DIP2B: variants seen among roughly 807,000 people sequenced by gnomAD.
DIP2B encodes the protein DIP2 acetate--CoA ligase B (putative).
Under a neutral mutation model 198.0 loss-of-function variants are expected in DIP2B, and 76 were observed. The observed-to-expected ratio is 0.38, with a 90% CI of 0.32 to 0.46. The LOEUF (loss-of-function observed/expected upper bound fraction) is 0.46, where lower values mean the gene tolerates loss of function less well. Among genes scored for constraint, DIP2B ranks in the 20% least tolerant of loss-of-function variants. The pLI, the probability that DIP2B is intolerant of heterozygous loss-of-function variation, is 0.99. For missense variants in DIP2B, 1,559 were observed against 1,978.4 expected, an observed-to-expected ratio of 0.79 and a Z score of 4.02; for synonymous variants, 701 against 739.1, an observed-to-expected ratio of 0.95 and a Z score of 0.84.
intron 2 of DIP2B, among the ~76,000 whole-genome samples, chr12:50,630,634 G>A (rs979701767): frequency 2.1e-5 from 3 of 142,958 alleles, no homozygotes; most frequent in Admixed American, 6.9e-5. Context: ...AGAATGCTTT[G>A]ATGTTGATCA....
At chr12:50,588,094 T>C (rs1958785921) in intron 1 of DIP2B, among the ~76,000 whole-genome samples, 2 of 152,202 alleles carry the variant, frequency 1.3e-5, no homozygotes, top group African/African-American at 4.8e-5. Flanking sequence ...AATAACACTT[T>C]GGTGAAACAG....
At chr12:50,711,270 G>A (rs1939609266) in intron 22 of DIP2B, among the ~76,000 whole-genome samples, 1 of 152,140 alleles carries the variant, frequency 6.6e-6, no homozygotes, top group Non-Finnish European at 1.5e-5. Flanking sequence ...ATAGATTAAA[G>A]GCCAGAGGTT....
chr12:50,513,630 T>A (rs1349658190), intron 1 of DIP2B, among the ~76,000 whole-genome samples: 1 of 152,162 alleles, frequency 6.6e-6, no homozygotes, highest in African/African-American at 2.4e-5. Context: ...TCCCAATACT[T>A]TGGGAGGCTG....
chr12:50,601,265 A>G (rs914685269), intron 1 of DIP2B, among the ~76,000 whole-genome samples: 5 of 152,124 alleles, frequency 3.3e-5, no homozygotes, highest in Non-Finnish European at 7.3e-5. Context: ...TATAGTACAA[A>G]GTGCGTGGAA....
chr12:50,511,014 C>T (rs189886451), intron 1 of DIP2B, among the ~76,000 whole-genome samples: 3 of 144,676 alleles, frequency 2.1e-5, no homozygotes, highest in Admixed American at 1.4e-4. Context: ...GGCATGATCT[C>T]GGCTCACTGC....
chr12:50,696,062 A>G, intron 16 of DIP2B, 95 bp downstream of exon 16: 1 of 1,538,434 alleles, frequency 6.5e-7, no homozygotes, highest in South Asian at 1.2e-5. Flanking sequence ...CATACTGAAA[A>G]ACTCACTCAT....
intron 27 of DIP2B, among the ~76,000 whole-genome samples, chr12:50,723,737 T>G (rs1057479874): frequency 6.6e-6 from 1 of 151,962 alleles, no homozygotes; most frequent in Admixed American, 6.6e-5. Context: ...GAGCAGACCC[T>G]GTCGCCAAAA....
chr12:50,522,367 A>G (rs950394716), intron 1 of DIP2B, among the ~76,000 whole-genome samples: 1 of 152,332 alleles, frequency 6.6e-6, no homozygotes, highest in East Asian at 1.9e-4. Flanking sequence ...TGGTTATTCC[A>G]GTTCAGGGTC....
At chr12:50,655,149 G>T (rs1938533019) in intron 3 of DIP2B, 1 of 364,146 alleles carries the variant, frequency 2.7e-6, no homozygotes, top group Non-Finnish European at 5.5e-6. Flanking sequence ...GATAATAGTT[G>T]AATAAACTGT....
At chr12:50,723,750 A>G (rs1243535157) in intron 27 of DIP2B, among the ~76,000 whole-genome samples, 2 of 150,128 alleles carry the variant, frequency 1.3e-5, no homozygotes, top group Non-Finnish European at 3.0e-5. Context: ...CGCCAAAAGA[A>G]AAAAAAAAAG....
At chr12:50,742,483 G>A (rs951272151) in intron 37 of DIP2B, among the ~76,000 whole-genome samples, 4 of 147,070 alleles carry the variant, frequency 2.7e-5, no homozygotes, top group African/African-American at 2.5e-5. Flanking sequence ...CACAGAATCC[G>A]TTCGGTTTGT....
chr12:50,679,538 T>C (rs1939002184), intron 8 of DIP2B: 1 of 152,210 alleles, frequency 6.6e-6, no homozygotes, highest in African/African-American at 2.4e-5. Flanking sequence ...TCTGAATAAA[T>C]TGTATGTAAA....
At chr12:50,625,642 TTGTCAGCCTTGC>T (rs1441684836) in intron 1 of DIP2B, among the ~76,000 whole-genome samples, 4 of 152,172 alleles carry the variant, frequency 2.6e-5, no homozygotes, top group African/African-American at 9.7e-5. Context: ...AGAGAAATCG[TTGTCAGCCTTGC>T]TGCATTCCAT....
intron 1 of DIP2B, among the ~76,000 whole-genome samples, chr12:50,513,784 G>T (rs1377384482): frequency 2.7e-5 from 4 of 150,556 alleles, no homozygotes; most frequent in Non-Finnish European, 5.9e-5. Context: ...TGTGGCAGGA[G>T]AATTGCTTGA....
intron 1 of DIP2B, among the ~76,000 whole-genome samples, chr12:50,547,596 T>A (rs1375169290): frequency 6.6e-6 from 1 of 152,182 alleles, no homozygotes; most frequent in Admixed American, 6.5e-5. Context: ...GGGGGCAGAG[T>A]GTATGAGAGA....
intron 28 of DIP2B, 47 bp downstream of exon 28, chr12:50,724,933 A>T: frequency 6.5e-7 from 1 of 1,542,304 alleles, no homozygotes; most frequent in Non-Finnish European, 9.0e-7. Flanking sequence ...AGAGCTCACA[A>T]TACCTGAGAT....
intron 11 of DIP2B, 30 bp downstream of exon 11, chr12:50,685,986 T>TA (rs1409666118): frequency 6.3e-7 from 1 of 1,599,430 alleles, no homozygotes; most frequent in Non-Finnish European, 8.5e-7. Context: ...AATTATCAGT[T>TA]AAAAGTTAAA....
chr12:50,516,515 A>G (rs1958066650), intron 1 of DIP2B, among the ~76,000 whole-genome samples: 1 of 151,990 alleles, frequency 6.6e-6, no homozygotes. Context: ...TGGCCTCCCA[A>G]AGTGCAGAGA....
intron 1 of DIP2B, among the ~76,000 whole-genome samples, chr12:50,600,934 C>CACT (rs1565840647): frequency 1.4e-5 from 2 of 144,430 alleles, no homozygotes; most frequent in East Asian, 2.0e-4. Flanking sequence ...CCACCACCAC[C>CACT]ACCACTACCA....
Sources: allele counts gnomAD v4.1 joint callset (sites outside exome capture counted in the v4.1 genomes callset), GRCh38; gene constraint gnomAD v4.1.1; transcripts MANE v1.5; gene names NCBI Gene and HGNC (gene_info 2026-07-23, HGNC 2026-07-21).